Variants in TBC1D23 observed in about 807,000 individuals in gnomAD.
TBC1D23 encodes the protein TBC1 domain family member 23.
Under a neutral mutation model 91.4 loss-of-function variants are expected in TBC1D23, and 55 were observed. The ratio of observed to expected loss-of-function variants is 0.60; its 90% CI spans 0.48 to 0.75. TBC1D23 has a LOEUF of 0.75. Among genes scored for constraint, TBC1D23 ranks in the 30% least tolerant of loss-of-function variants. TBC1D23 has a pLI of 0.00. For missense variants in TBC1D23, 725 were observed against 836.1 expected, an observed-to-expected ratio of 0.87 and a Z score of 1.64; for synonymous variants, 289 against 281.0, an observed-to-expected ratio of 1.03 and a Z score of -0.28.
intron 8 of TBC1D23, among the ~76,000 whole-genome samples, chr3:100,297,384 A>G (rs1427432477): frequency 6.6e-6 from 1 of 152,208 alleles, no homozygotes; most frequent in Non-Finnish European, 1.5e-5. Context: ...TAATTTTCTT[A>G]TATAGAACTC....
In TBC1D23 at chr3:100,325,044, TTACTTGA is replaced by T. The variant is rs1312108444; in HGVS notation, c.*1379_*1385del. On this transcript the variant is annotated 3_prime_UTR_variant, in exon 19 of 19. Coordinates refer to ENST00000394144, the MANE Select transcript of TBC1D23 (RefSeq NM_001199198.3). ...CTGCATGAAATTGCACCTAGGTGCA[TTACTTGA>T]TATAACTCTCCCCTAAAACTGTTGT... 2.0e-5 allele frequency: 3 copies of T among 152,228 alleles called. No homozygotes were observed. The highest frequency in any genetic ancestry group is 4.4e-5 in the Non-Finnish European group (3 of 68,042). The allele number at this position is 152,228 out of a possible 1,614,324, so 9.4% of individuals were successfully genotyped here.
chr3:100,294,877 T>A (rs2067824404), intron 5 of TBC1D23, among the ~76,000 whole-genome samples: 1 of 152,224 alleles, frequency 6.6e-6, no homozygotes, highest in South Asian at 2.1e-4. Flanking sequence ...GAGGTTGACA[T>A]GTCCTAAGTC....
At chr3:100,261,954 G>C (rs982684227) in intron 1 of TBC1D23, among the ~76,000 whole-genome samples, 2 of 152,108 alleles carry the variant, frequency 1.3e-5, no homozygotes. Context: ...TTGCTTGTTC[G>C]TTATATTGTA....
intron 1 of TBC1D23, among the ~76,000 whole-genome samples, chr3:100,270,975 C>G (rs1418951812): frequency 1.3e-5 from 2 of 152,014 alleles, no homozygotes; most frequent in Non-Finnish European, 2.9e-5. Flanking sequence ...AACTGCTAGT[C>G]TTCATTATTT....
intron 13 of TBC1D23, among the ~76,000 whole-genome samples, chr3:100,308,008 C>T (rs1705544363): frequency 6.6e-6 from 1 of 152,106 alleles, no homozygotes; most frequent in Admixed American, 6.6e-5. Context: ...GATAGTTTTT[C>T]TATTGAAGCT....
Position 100,283,633 on chromosome 3 carries a change from G to A in TBC1D23, c.298G>A (p.Ala100Thr), listed in dbSNP as rs1282386486. The change falls in exon 4 of 19, where the codon GCA (alanine) becomes ACA (threonine). Residue 100 changes from alanine to threonine, a missense_variant. Transcript: ENST00000394144. ...CCAGCTTTCAGTGCCAGAGGAGAAG[G>A]CAGCAGAATTACTTTTGGATATTGA... ...IDQLSVPEEK[A>T]AELLLDIESV... The A allele has an allele frequency of 3.1e-6, 5 of 1,613,832 alleles. No individual in the cohort carries two copies. The highest frequency in any genetic ancestry group is 2.7e-5 in the African/African-American group (2 of 75,010).
At chr3:100,296,822 T>C (rs1188849888) in intron 8 of TBC1D23, among the ~76,000 whole-genome samples, 4 of 144,692 alleles carry the variant, frequency 2.8e-5, no homozygotes, top group Non-Finnish European at 6.0e-5. Flanking sequence ...ATTGTGCCAC[T>C]GCACTCCAGC....
In TBC1D23 at chr3:100,296,261, GCTT is replaced by G; in HGVS notation, c.866_868del (p.Ser289del). 1 of 1,596,244 alleles carries G rather than the reference GCTT, an allele frequency of 6.3e-7. No individual in the cohort carries two copies. The highest frequency in any genetic ancestry group is 1.3e-5 in the African/African-American group (1 of 74,352). On this transcript the variant is annotated inframe_deletion, in exon 8 of 19. Transcript: ENST00000394144. ...TCAGTATTATTGCAGCAAAACACCG[GCTT>G]CTTTTAGGAAGGTATAAGACCAGAA...
intron 4 of TBC1D23, among the ~76,000 whole-genome samples, chr3:100,288,858 ACTGT>A (rs1277684811): frequency 6.6e-6 from 1 of 152,214 alleles, no homozygotes; most frequent in Non-Finnish European, 1.5e-5. Flanking sequence ...CTTTAACCAA[ACTGT>A]CTGGAATTAA....
At chr3:100,293,104 A>T (rs186112969) in intron 5 of TBC1D23, among the ~76,000 whole-genome samples, 1,702 of 150,512 alleles carry the variant, frequency 0.011, 12 homozygotes, top group African/African-American at 0.02. Flanking sequence ...TATGCCAGAT[A>T]GTTTGTTTGT....
chr3:100,300,519 G>A (rs1022222410), intron 10 of TBC1D23, among the ~76,000 whole-genome samples: 1 of 46,446 alleles, frequency 2.2e-5, no homozygotes, highest in African/African-American at 8.2e-5. Flanking sequence ...TTTTTTTTTT[G>A]AGACAGAGTT....
chr3:100,262,904 T>G (rs558595779), intron 1 of TBC1D23, among the ~76,000 whole-genome samples: 2 of 152,320 alleles, frequency 1.3e-5, no homozygotes, highest in East Asian at 3.9e-4. Flanking sequence ...CAATTTGGTC[T>G]AGCCACATTT....
chr3:100,305,688 A>G (rs866950661), intron 12 of TBC1D23, among the ~76,000 whole-genome samples: 1 of 152,128 alleles, frequency 6.6e-6, no homozygotes, highest in Non-Finnish European at 1.5e-5. Flanking sequence ...ATTAGGATGT[A>G]TTTCCTCCTG....
chr3:100,290,497 G>C, intron 4 of TBC1D23, 81 bp from the exon 5 acceptor site: 1 of 1,239,866 alleles, frequency 8.1e-7, no homozygotes. Flanking sequence ...TGCTGTGGAG[G>C]GTATAGCAGG....
intron 13 of TBC1D23, among the ~76,000 whole-genome samples, chr3:100,308,976 T>C (rs755368057): frequency 1.3e-5 from 2 of 152,160 alleles, no homozygotes; most frequent in Non-Finnish European, 2.9e-5. Context: ...ATCCCAGCAT[T>C]ATGGGAATCC....
intron 14 of TBC1D23, 95 bp downstream of exon 14, chr3:100,310,637 TC>T: frequency 1.1e-6 from 1 of 942,074 alleles, no homozygotes; most frequent in Non-Finnish European, 1.5e-6. Context: ...TTTAATGTGT[TC>T]CAGAAAAGGA....
At chr3:100,295,749 C>T (rs1003039674) in intron 7 of TBC1D23, among the ~76,000 whole-genome samples, 3 of 152,166 alleles carry the variant, frequency 2.0e-5, no homozygotes, top group Non-Finnish European at 4.4e-5. Context: ...GTTACTTCCT[C>T]TCTATATTCC....
chr3:100,288,995 C>T (rs1486161399), intron 4 of TBC1D23, among the ~76,000 whole-genome samples: 1 of 152,136 alleles, frequency 6.6e-6, no homozygotes, highest in African/African-American at 2.4e-5. Flanking sequence ...GGGAGGATCG[C>T]TTGAGCCCAG....
At chr3:100,317,715 C>T (rs1705775294) in intron 16 of TBC1D23, among the ~76,000 whole-genome samples, 1 of 150,894 alleles carries the variant, frequency 6.6e-6, no homozygotes, top group Non-Finnish European at 1.5e-5. Flanking sequence ...CTGAATATCT[C>T]AACTTCTTCC....
Sources: gnomAD v4.1 joint callset for allele counts (sites outside exome capture counted in the v4.1 genomes callset) on GRCh38, gnomAD v4.1.1 for gene constraint, MANE v1.5 for transcripts, NCBI Gene and HGNC (gene_info 2026-07-23, HGNC 2026-07-21) for gene names.